Variants in SPATA9 observed in about 807,000 individuals in gnomAD.
SPATA9 encodes spermatogenesis associated 9.
A neutral mutation model predicts 25.5 loss-of-function variants in SPATA9; 27 were observed. The ratio of observed to expected loss-of-function variants is 1.06; its 90% CI spans 0.78 to 1.46. The LOEUF (loss-of-function observed/expected upper bound fraction) is 1.46, where lower values mean the gene tolerates loss of function less well. Among genes scored for constraint, SPATA9 ranks in the 40% most tolerant of loss-of-function variants. The probability of loss-of-function intolerance (pLI) is 0.00; values close to 1 mark genes in which losing one functional copy is unlikely to be tolerated. For synonymous variants in SPATA9, 102 were observed against 105.7 expected (o/e 0.97, Z 0.21); for missense variants, 282 against 297.5 (o/e 0.95, Z 0.38).
At chr5:95,677,386 CA>C (rs970628137) in intron 2 of SPATA9, among the ~76,000 whole-genome samples, 12 of 152,140 alleles carry the variant, frequency 7.9e-5, no homozygotes, top group South Asian at 2.1e-4. Context: ...TGAGAAACAT[CA>C]AAAAAATACC....
chr5:95,656,116 G>A (rs1444147465), downstream of SPATA9: 4 of 1,613,616 alleles, frequency 2.5e-6, no homozygotes, highest in African/African-American at 1.3e-5. Context: ...ACAGGAGAAG[G>A]TCTGTACCAG....
At chr5:95,714,291 C>T in the SPATA9 span, among the ~76,000 whole-genome samples, 1 of 152,060 alleles carries the variant, frequency 6.6e-6, no homozygotes, top group Admixed American at 6.5e-5. Flanking sequence ...TAGGAGCAAT[C>T]ACTGAAGCCA....
upstream of SPATA9, among the ~76,000 whole-genome samples, chr5:95,699,535 C>CA (rs1754127636): frequency 1.3e-5 from 2 of 151,800 alleles, no homozygotes; most frequent in Non-Finnish European, 2.9e-5. Context: ...GCAATATCAA[C>CA]AAAAAATGCT....
At chr5:95,656,037 C>G (rs202025519), downstream of SPATA9, 9 of 1,611,110 alleles carry the variant, frequency 5.6e-6, no homozygotes, top group Non-Finnish European at 7.6e-6. Context: ...GAGTTATTCT[C>G]TTCCCCAGGA....
chr5:95,723,639 A>G, the SPATA9 span, among the ~76,000 whole-genome samples: 3 of 152,240 alleles, frequency 2.0e-5, no homozygotes, highest in Admixed American at 6.5e-5. Flanking sequence ...TAGTTAAAAC[A>G]ATACAAATAC....
At chr5:95,669,896 A>G (rs1387850525) in intron 3 of SPATA9, among the ~76,000 whole-genome samples, 2 of 152,186 alleles carry the variant, frequency 1.3e-5, no homozygotes, top group Admixed American at 6.5e-5. Context: ...AGAACTAGCC[A>G]CAATTCTATC....
rs575300505 is a variant in SPATA9, at chr5:95,690,003, T to C, written n.124+8585A>G. Among the ~76,000 whole-genome samples, 42 of 152,042 alleles carry C rather than the reference T, an allele frequency of 2.8e-4. No individual in the cohort carries two copies. The South Asian group carries it at 8.5e-3, about 31-fold the overall frequency. ...TAAGCAACAAGAATACATAGACACA[T>C]AGAGGGGAACAACGAGACTGGGGCT... On this transcript the variant is annotated intron_variant and non_coding_transcript_variant, in intron 1 of 2. Coordinates refer to the SPATA9 transcript ENST00000379990.
intron 2 of SPATA9, among the ~76,000 whole-genome samples, chr5:95,679,607 C>T (rs142218299): frequency 1.7e-3 from 261 of 152,328 alleles, no homozygotes; most frequent in Middle Eastern, 3.4e-3. Flanking sequence ...AAGAGAGGGC[C>T]GGCCAAAGGC....
chr5:95,662,915 C>A (rs1020310621), intron 4 of SPATA9, among the ~76,000 whole-genome samples: 8 of 152,116 alleles, frequency 5.3e-5, no homozygotes, highest in Non-Finnish European at 1.2e-4. Flanking sequence ...AAAAGATTGA[C>A]AATACTGTCA....
upstream of SPATA9, among the ~76,000 whole-genome samples, chr5:95,685,221 G>C (rs1341676168): frequency 1.3e-5 from 2 of 152,192 alleles, no homozygotes; most frequent in Non-Finnish European, 2.9e-5. Context: ...TTTTGGTTTT[G>C]GAAATTTTGC....
chr5:95,658,501 C>T lies in SPATA9; in HGVS notation c.*122G>A. The T allele has an allele frequency of 1.6e-6, 2 of 1,247,240 alleles. No homozygotes were observed. The highest frequency in any genetic ancestry group is 2.1e-6 in the Non-Finnish European group (2 of 939,084). The allele number at this position is 1,247,240 out of a possible 1,614,324, so 77.3% of individuals were successfully genotyped here. ...AGAAAATGACATTTTAATAGTAGCC[C>T]CCTTCTCTTTTTTTTAAGAAAGCAG... On this transcript the variant is annotated 3_prime_UTR_variant, in exon 5 of 5. Coordinates refer to ENST00000274432, the MANE Select transcript of SPATA9 (RefSeq NM_031952.4).
At chr5:95,731,600 G>A in the SPATA9 span, 3 of 1,590,550 alleles carry the variant, frequency 1.9e-6, no homozygotes, top group Non-Finnish European at 2.6e-6. Flanking sequence ...CGGATTGCGG[G>A]TGAACTCGCC....
In SPATA9 at chr5:95,675,514, A is replaced by C; in HGVS notation, c.276T>G (p.Leu92=). The change falls in exon 3 of 5, where the codon CTT becomes CTG. Residue 92 remains leucine (L), a synonymous_variant. Transcript: ENST00000274432. ...ISRSSKSVAK[L]LHPQLACRLL... ...GTCTGCATGCAAGCTGAGGATGCAG[A>C]AGTTTGGCCACTGATTTGGAGGATC... The C allele has an allele frequency of 6.2e-7, 1 of 1,614,188 alleles. No homozygotes were observed. The highest frequency in any genetic ancestry group is 2.2e-5 in the East Asian group (1 of 44,884).
At chr5:95,684,670 T>A (rs1207381100), upstream of SPATA9, 19 of 152,228 alleles carry the variant, frequency 1.2e-4, no homozygotes, top group Non-Finnish European at 1.5e-5. Context: ...CTGCAGCACT[T>A]ACATTATGAC....
intron 2 of SPATA9, among the ~76,000 whole-genome samples, chr5:95,678,387 GTAAAA>G (rs1274874630): frequency 1.3e-5 from 2 of 151,916 alleles, no homozygotes; most frequent in Non-Finnish European, 2.9e-5. Flanking sequence ...AAAAAAATAA[GTAAAA>G]TAAAATAAAA....
intron 3 of SPATA9, among the ~76,000 whole-genome samples, chr5:95,672,139 G>C (rs1752446070): frequency 1.3e-5 from 2 of 152,136 alleles, no homozygotes; most frequent in South Asian, 4.1e-4. Flanking sequence ...TTAATACAGA[G>C]ACTGGATATG....
the SPATA9 span, among the ~76,000 whole-genome samples, chr5:95,720,655 G>A: frequency 7.9e-5 from 12 of 151,298 alleles, no homozygotes; most frequent in Non-Finnish European, 1.6e-4. Flanking sequence ...TGTTTTGTTT[G>A]TATTACATTA....
At chr5:95,663,309 C>T (rs539491309) in intron 4 of SPATA9, among the ~76,000 whole-genome samples, 14 of 152,216 alleles carry the variant, frequency 9.2e-5, no homozygotes, top group Admixed American at 8.5e-4. Context: ...AGCAGTCAAA[C>T]TATCAGTAGT....
chr5:95,665,645 T>C (rs1751729667), intron 3 of SPATA9, among the ~76,000 whole-genome samples: 1 of 151,970 alleles, frequency 6.6e-6, no homozygotes, highest in Non-Finnish European at 1.5e-5. Context: ...GTTGATTCTA[T>C]ATCCAGGCTA....
Sources: allele counts gnomAD v4.1 joint callset (sites outside exome capture counted in the v4.1 genomes callset), GRCh38; gene constraint gnomAD v4.1.1; transcripts MANE v1.5; gene names NCBI Gene and HGNC (gene_info 2026-07-23, HGNC 2026-07-21).